Variants in CCDC171 observed in about 807,000 individuals in gnomAD.
CCDC171 encodes coiled-coil domain containing 171, also known as coiled-coil domain-containing protein 171.
CCDC171 carries 177 observed loss-of-function variants against 168.2 expected under a neutral mutation model. The observed-to-expected ratio is 1.05, with a 90% confidence interval of 0.93 to 1.19. The LOEUF (loss-of-function observed/expected upper bound fraction) is 1.19. Among genes scored for constraint, CCDC171 ranks in the 50% most tolerant of loss-of-function variants. The probability of loss-of-function intolerance (pLI) is 0.00; values close to 1 mark genes in which losing one functional copy is unlikely to be tolerated. For missense variants in CCDC171, 1,991 were observed against 1,539.0 expected (o/e 1.29, Z -4.91); for synonymous variants, 687 against 540.8 (o/e 1.27, Z -3.75).
intron 24 of CCDC171, among the ~76,000 whole-genome samples, chr9:15,902,912 C>T (rs1821924352): frequency 6.6e-6 from 1 of 152,170 alleles, no homozygotes; most frequent in Non-Finnish European, 1.5e-5. Context: ...GAGGGTCCTA[C>T]ACCCACGGAG....
intron 23 of CCDC171, among the ~76,000 whole-genome samples, chr9:15,871,529 G>T (rs1267883713): frequency 1.3e-5 from 2 of 151,812 alleles, no homozygotes; most frequent in Non-Finnish European, 2.9e-5. Context: ...TTTTTTGACA[G>T]TAACTAATTT....
At chr9:15,741,075 T>C (rs1225554463) in intron 16 of CCDC171, among the ~76,000 whole-genome samples, 1 of 152,216 alleles carries the variant, frequency 6.6e-6, no homozygotes, top group African/African-American at 2.4e-5. Flanking sequence ...TCCATTATTT[T>C]CTTTTTTGTT....
rs369884911 is a variant in CCDC171, at chr9:15,761,021, G to C, written c.2671+15390G>C. Among the ~76,000 whole-genome samples, 66 of 152,280 alleles carry C rather than the reference G, an allele frequency of 4.3e-4. No individual in the cohort carries two copies. In the South Asian group the frequency reaches 7.1e-3, roughly 16 times the overall value. On this transcript the variant is annotated intron_variant, in intron 18 of 25. Transcript: ENST00000380701. ...AATGGACTAAAGAATTCTTTAGATA[G>C]CTGAACTTTTTGATATGACTGGTCG...
intron 11 of CCDC171, among the ~76,000 whole-genome samples, chr9:15,700,423 C>G (rs1426478742): frequency 6.6e-6 from 1 of 152,336 alleles, no homozygotes; most frequent in African/African-American, 2.4e-5. Context: ...CACGCCTCTC[C>G]CTCCACACCT....
At chr9:15,751,740 C>T (rs2055757507) in intron 18 of CCDC171, among the ~76,000 whole-genome samples, 2 of 152,112 alleles carry the variant, frequency 1.3e-5, no homozygotes, top group Non-Finnish European at 2.9e-5. Context: ...CTTCCTTACG[C>T]CTTATACAAA....
At chr9:15,940,137 A>C (rs1827551520) in intron 25 of CCDC171, among the ~76,000 whole-genome samples, 1 of 151,994 alleles carries the variant, frequency 6.6e-6, no homozygotes, top group Non-Finnish European at 1.5e-5. Flanking sequence ...AGCAATACAC[A>C]TAATTTTGCT....
At chr9:15,967,276 G>T (rs548535598) in intron 25 of CCDC171, among the ~76,000 whole-genome samples, 5 of 152,174 alleles carry the variant, frequency 3.3e-5, no homozygotes, top group Admixed American at 2.0e-4. Flanking sequence ...TTCTTCATCT[G>T]TTTATGTGGA....
chr9:15,810,672 C>A (rs1057214680), intron 21 of CCDC171, among the ~76,000 whole-genome samples: 2 of 152,186 alleles, frequency 1.3e-5, no homozygotes, highest in Non-Finnish European at 2.9e-5. Flanking sequence ...TGCCTGGGGC[C>A]GGCAGTGCCG....
At chr9:16,028,138 C>G (rs967311310) in intron 6 of CCDC171, among the ~76,000 whole-genome samples, 4 of 152,168 alleles carry the variant, frequency 2.6e-5, no homozygotes, top group Non-Finnish European at 4.4e-5. Flanking sequence ...GAGTCTTGGT[C>G]TGATTGGAGC....
intron 25 of CCDC171, among the ~76,000 whole-genome samples, chr9:15,931,461 T>TTTTTTTTTTTTTTTTTTTTTTG: frequency 7.1e-6 from 1 of 140,524 alleles, no homozygotes; most frequent in Non-Finnish European, 1.5e-5. Context: ...TCTTTCTTTT[T>TTTTTTTTTTTTTTTTTTTTTTG]TTTTTTTTTT....
intron 11 of CCDC171, among the ~76,000 whole-genome samples, chr9:15,711,501 C>T (rs1413154954): frequency 6.6e-6 from 1 of 152,020 alleles, no homozygotes; most frequent in Non-Finnish European, 1.5e-5. Context: ...AAATTGTAGA[C>T]TTTTTTTCCA....
rs563172434 is a variant in CCDC171 at position 16,007,392 on chromosome 9, C to A, written n.369-13197C>A. Among the ~76,000 whole-genome samples the A allele has an allele frequency of 3.5e-4, 53 of 152,250 alleles. 1 individual carries two copies. The highest frequency in any genetic ancestry group is 6.8e-3 in the Middle Eastern group (2 of 294). ...TCCCATTCTGTAGGTTGCCTGTTCA[C>A]TCTGATGGTAGTTTCTTTTGCTGTG... On this transcript the variant is annotated intron_variant and non_coding_transcript_variant, in intron 3 of 9. Transcript: ENST00000486641.
At chr9:15,929,855 G>C (rs1036374011) in intron 25 of CCDC171, among the ~76,000 whole-genome samples, 1 of 151,566 alleles carries the variant, frequency 6.6e-6, no homozygotes, top group African/African-American at 2.4e-5. Context: ...TTTCTCTACA[G>C]TTTCCCCATA....
the CCDC171 span, among the ~76,000 whole-genome samples, chr9:16,081,702 A>C: frequency 4.6e-5 from 7 of 152,256 alleles, no homozygotes; most frequent in African/African-American, 1.2e-4. Context: ...ACACATCTTA[A>C]TTGACACAGA....
intron 24 of CCDC171, among the ~76,000 whole-genome samples, chr9:15,884,806 TA>T (rs1377537479): frequency 6.6e-6 from 1 of 152,142 alleles, no homozygotes; most frequent in Admixed American, 6.5e-5. Flanking sequence ...ATTTTCACAT[TA>T]AAAAATGCTA....
chr9:15,677,921 T>A (rs868254660), intron 9 of CCDC171, among the ~76,000 whole-genome samples: 3 of 36,266 alleles, frequency 8.3e-5, no homozygotes, highest in African/African-American at 2.5e-4. Context: ...TATATATATA[T>A]ATATAAGAGA....
At chr9:15,833,243 C>G (rs1488657469) in intron 21 of CCDC171, among the ~76,000 whole-genome samples, 1 of 152,054 alleles carries the variant, frequency 6.6e-6, no homozygotes, top group Non-Finnish European at 1.5e-5. Flanking sequence ...CTGCCCACCT[C>G]GGCCTCCCAA....
intron 3 of CCDC171, among the ~76,000 whole-genome samples, chr9:15,986,333 A>G (rs1157857567): frequency 6.6e-5 from 10 of 152,240 alleles, no homozygotes; most frequent in African/African-American, 2.2e-4. Flanking sequence ...TTCATTGAGT[A>G]TACTTCAAAG....
intron 7 of CCDC171, among the ~76,000 whole-genome samples, chr9:15,625,427 T>G (rs1377055122): frequency 1.3e-5 from 2 of 152,220 alleles, no homozygotes; most frequent in Admixed American, 6.5e-5. Context: ...CTAGCTTTTC[T>G]TCTAGGGTTT....
Sources: allele counts gnomAD v4.1 joint callset (sites outside exome capture counted in the v4.1 genomes callset), GRCh38; gene constraint gnomAD v4.1.1; transcripts MANE v1.5; gene names NCBI Gene and HGNC (gene_info 2026-07-23, HGNC 2026-07-21).